The following CDH13 variants were observed in gnomAD, a reference collection of about 807,000 sequenced individuals.
CDH13 encodes the protein cadherin 13.
CDH13 carries 24 observed loss-of-function variants against 63.8 expected under a neutral mutation model. The ratio of observed to expected loss-of-function variants is 0.38; its 90% CI spans 0.27 to 0.53. The LOEUF is 0.53. Ranked by LOEUF, CDH13 falls within the 20% of genes least tolerant of loss-of-function variation. The pLI, the probability that CDH13 is intolerant of heterozygous loss-of-function variation, is 0.85. For missense variants in CDH13, 1,049 were observed against 903.1 expected (o/e 1.16, Z -2.07); for synonymous variants, 503 against 355.3 (o/e 1.42, Z -4.67).
intron 5 of CDH13, among the ~76,000 whole-genome samples, chr16:83,221,632 C>G (rs1182180455): frequency 1.5e-5 from 2 of 134,788 alleles, no homozygotes; most frequent in Non-Finnish European, 3.1e-5. Context: ...GGGAGACCAT[C>G]TGTTAGGCGA....
chr16:83,695,388 C>T (rs1290743471), intron 10 of CDH13, among the ~76,000 whole-genome samples: 3 of 152,184 alleles, frequency 2.0e-5, no homozygotes, highest in Non-Finnish European at 2.9e-5. Context: ...TAAATAGGAT[C>T]GCAAATGCTG....
chr16:83,568,805 C>T (rs573713320), intron 7 of CDH13, among the ~76,000 whole-genome samples: 3 of 152,164 alleles, frequency 2.0e-5, no homozygotes, highest in Non-Finnish European at 4.4e-5. Context: ...TCCTCGTGAT[C>T]ATCTCCCAAA....
At chr16:82,721,754 T>C (rs957694854) in intron 1 of CDH13, among the ~76,000 whole-genome samples, 3 of 152,094 alleles carry the variant, frequency 2.0e-5, no homozygotes, top group Non-Finnish European at 4.4e-5. Flanking sequence ...TCAAAGCCAT[T>C]AGGAATTGTA....
At chr16:83,548,459 C>T (rs975819763) in intron 7 of CDH13, among the ~76,000 whole-genome samples, 2 of 152,150 alleles carry the variant, frequency 1.3e-5, no homozygotes, top group African/African-American at 4.8e-5. Context: ...CCCCAGTGTC[C>T]GTAGCGCAGT....
intron 5 of CDH13, among the ~76,000 whole-genome samples, chr16:83,325,599 C>T (rs1324953004): frequency 6.6e-6 from 1 of 152,148 alleles, no homozygotes; most frequent in Non-Finnish European, 1.5e-5. Flanking sequence ...ACTTTATTCA[C>T]AAAATCAAGC....
At chr16:82,944,765 G>T (rs1904507242) in intron 2 of CDH13, among the ~76,000 whole-genome samples, 1 of 152,018 alleles carries the variant, frequency 6.6e-6, no homozygotes, top group African/African-American at 2.4e-5. Flanking sequence ...TGTTTTATTT[G>T]ATGAGAGAGA....
At chr16:83,750,893 G>C (rs150478441) in intron 11 of CDH13, among the ~76,000 whole-genome samples, 1 of 151,656 alleles carries the variant, frequency 6.6e-6, no homozygotes, top group African/African-American at 2.4e-5. Flanking sequence ...CTCTAGCAAA[G>C]TAATGCAAGA....
At chr16:83,259,158 C>G (rs62040390) in intron 5 of CDH13, among the ~76,000 whole-genome samples, 10,403 of 152,116 alleles carry the variant, frequency 0.068, 494 homozygotes, top group East Asian at 0.21. Flanking sequence ...GGGGGACAGT[C>G]ACTAAGAAGA....
chr16:83,205,267 C>G (rs1307582914), intron 4 of CDH13, among the ~76,000 whole-genome samples: 2 of 152,144 alleles, frequency 1.3e-5, no homozygotes, highest in Non-Finnish European at 2.9e-5. Context: ...ATCAGAAATT[C>G]AGAAAGAGAC....
chr16:83,072,767 C>A (rs373857249), intron 3 of CDH13, among the ~76,000 whole-genome samples: 1 of 152,060 alleles, frequency 6.6e-6, no homozygotes, highest in African/African-American at 2.4e-5. Context: ...TAAGAACACC[C>A]CTCACTAGTA....
chr16:83,168,330 T>C (rs895027978), intron 4 of CDH13, among the ~76,000 whole-genome samples: 1 of 152,026 alleles, frequency 6.6e-6, no homozygotes, highest in Non-Finnish European at 1.5e-5. Flanking sequence ...AATATAGATA[T>C]TTACACACAC....
intron 1 of CDH13, among the ~76,000 whole-genome samples, chr16:82,798,309 T>G (rs8057014): frequency 0.36 from 55,091 of 151,932 alleles, 10,257 homozygotes; most frequent in African/African-American, 0.42. Flanking sequence ...TAAGCTAATA[T>G]TAGAACTCAG....
At chr16:83,153,006 C>A (rs1210188306) in intron 4 of CDH13, among the ~76,000 whole-genome samples, 1 of 152,184 alleles carries the variant, frequency 6.6e-6, no homozygotes, top group South Asian at 2.1e-4. Flanking sequence ...AAAGCCGTAA[C>A]CGCTTAGTGG....
chr16:82,822,535 C>T (rs2038051369), intron 1 of CDH13, among the ~76,000 whole-genome samples: 1 of 152,192 alleles, frequency 6.6e-6, no homozygotes. Flanking sequence ...CTCATTCTGT[C>T]ACTCAGGCTG....
At chr16:83,523,264 T>C (rs2074882036) in intron 7 of CDH13, among the ~76,000 whole-genome samples, 1 of 152,198 alleles carries the variant, frequency 6.6e-6, no homozygotes, top group Non-Finnish European at 1.5e-5. Context: ...GTCATGTCCA[T>C]AATAGGTGCT....
chr16:83,145,031 G>A (rs1429435284), intron 4 of CDH13, among the ~76,000 whole-genome samples: 1 of 151,318 alleles, frequency 6.6e-6, no homozygotes, highest in Non-Finnish European at 1.5e-5. Flanking sequence ...CCGTGGCTAT[G>A]TTGCCACTTG....
chr16:82,630,033 A>G (rs747889557), intron 1 of CDH13, among the ~76,000 whole-genome samples: 2 of 152,206 alleles, frequency 1.3e-5, no homozygotes, highest in Non-Finnish European at 2.9e-5. Flanking sequence ...AAAATGTTCC[A>G]TGGAATTCTG....
intron 2 of CDH13, among the ~76,000 whole-genome samples, chr16:82,943,191 T>C (rs1466065130): frequency 1.3e-5 from 2 of 152,190 alleles, no homozygotes; most frequent in Non-Finnish European, 2.9e-5. Flanking sequence ...CATTCTTCCA[T>C]TCTGATTGTC....
intron 5 of CDH13, among the ~76,000 whole-genome samples, chr16:83,313,209 T>C (rs2090037130): frequency 6.6e-6 from 1 of 152,208 alleles, no homozygotes; most frequent in African/African-American, 2.4e-5. Context: ...CAGCCCTTTC[T>C]TAAGGGGGAG....
Sources: allele counts gnomAD v4.1 joint callset (sites outside exome capture counted in the v4.1 genomes callset), GRCh38; gene constraint gnomAD v4.1.1; transcripts MANE v1.5; gene names NCBI Gene and HGNC (gene_info 2026-07-23, HGNC 2026-07-21).